The following ROBO2 variants were observed in gnomAD, a reference collection of about 807,000 sequenced individuals.
ROBO2 encodes the protein roundabout guidance receptor 2.
A neutral mutation model predicts 160.8 loss-of-function variants in ROBO2; 53 were observed. The ratio of observed to expected loss-of-function variants is 0.33; its 90% confidence interval spans 0.26 to 0.41. The LOEUF (loss-of-function observed/expected upper bound fraction) is 0.41. Ranked by LOEUF, ROBO2 falls within the 10% of genes least tolerant of loss-of-function variation. The probability of loss-of-function intolerance (pLI) is 1.00; values close to 1 mark genes in which losing one functional copy is unlikely to be tolerated. For synonymous variants in ROBO2, 664 were observed against 611.7 expected (o/e 1.09, Z -1.26); for missense variants, 1,577 against 1,722.4 (o/e 0.92, Z 1.49).
intron 2 of ROBO2, among the ~76,000 whole-genome samples, chr3:76,299,041 C>T (rs192034810): frequency 1.6e-4 from 24 of 152,280 alleles, no homozygotes; most frequent in Admixed American, 9.8e-4. Flanking sequence ...GCTCTTTCAG[C>T]GTGTTAGGCC....
intron 2 of ROBO2, among the ~76,000 whole-genome samples, chr3:77,120,942 TTTATTA>T (rs1294880670): frequency 6.6e-6 from 1 of 151,958 alleles, no homozygotes; most frequent in Non-Finnish European, 1.5e-5. Flanking sequence ...ATGCAGATGT[TTTATTA>T]TTATTATTAT....
chr3:75,962,950 T>C (rs1362945572), intron 2 of ROBO2, among the ~76,000 whole-genome samples: 2 of 151,806 alleles, frequency 1.3e-5, no homozygotes. Context: ...TTAACGATCA[T>C]TCCTTCTAAA....
chr3:76,054,892 T>C (rs752456926), intron 2 of ROBO2, among the ~76,000 whole-genome samples: 2 of 152,080 alleles, frequency 1.3e-5, no homozygotes, highest in African/African-American at 4.8e-5. Context: ...AAGCTGAAGT[T>C]TGGGGAGGTG....
At chr3:76,363,798 T>A (rs1445824949) in intron 2 of ROBO2, among the ~76,000 whole-genome samples, 1 of 149,270 alleles carries the variant, frequency 6.7e-6, no homozygotes, top group Non-Finnish European at 1.5e-5. Flanking sequence ...TGCTTAAGAG[T>A]TTTTTTTTTA....
chr3:77,240,296 G>C (rs2088816348), intron 2 of ROBO2, among the ~76,000 whole-genome samples: 3 of 152,180 alleles, frequency 2.0e-5, no homozygotes, highest in Admixed American at 2.0e-4. Context: ...CAGTGCTGGG[G>C]GACCCGGCGC....
chr3:77,113,612 A>C (rs1009518097), intron 2 of ROBO2, among the ~76,000 whole-genome samples: 1 of 152,206 alleles, frequency 6.6e-6, no homozygotes, highest in Non-Finnish European at 1.5e-5. Context: ...GATGACATGC[A>C]AATGAACTGT....
intron 2 of ROBO2, among the ~76,000 whole-genome samples, chr3:76,758,288 A>T (rs928481624): frequency 6.6e-6 from 1 of 151,724 alleles, no homozygotes; most frequent in Non-Finnish European, 1.5e-5. Flanking sequence ...TTGAACAAAG[A>T]CTATTGGGAA....
At chr3:75,970,868 T>G (rs950137646) in intron 2 of ROBO2, among the ~76,000 whole-genome samples, 47 of 151,280 alleles carry the variant, frequency 3.1e-4, no homozygotes, top group African/African-American at 1.1e-3. Context: ...GAAATATGCT[T>G]TTTGAAACTA....
chr3:76,177,809 G>A (rs1255536882), intron 2 of ROBO2, among the ~76,000 whole-genome samples: 1 of 152,116 alleles, frequency 6.6e-6, no homozygotes, highest in African/African-American at 2.4e-5. Flanking sequence ...ACAGATAGTA[G>A]GGTTCTAAGT....
At chr3:75,985,901 T>C (rs1051010347) in intron 2 of ROBO2, among the ~76,000 whole-genome samples, 1 of 151,682 alleles carries the variant, frequency 6.6e-6, no homozygotes, top group Non-Finnish European at 1.5e-5. Context: ...GGCTGAATAA[T>C]ATTCTTTTAT....
At chr3:77,211,877 A>G (rs1279977739) in intron 2 of ROBO2, among the ~76,000 whole-genome samples, 1 of 152,102 alleles carries the variant, frequency 6.6e-6, no homozygotes, top group Non-Finnish European at 1.5e-5. Flanking sequence ...CAAAGATCAG[A>G]TAGTTGTAGA....
intron 11 of ROBO2, chr3:77,564,604 C>A: frequency 2.5e-6 from 1 of 400,604 alleles, no homozygotes; most frequent in Non-Finnish European, 4.7e-6. Context: ...TATATATATA[C>A]ATTTACGAGG....
intron 2 of ROBO2, among the ~76,000 whole-genome samples, chr3:76,872,582 C>G (rs192116533): frequency 6.6e-6 from 1 of 151,904 alleles, no homozygotes; most frequent in Admixed American, 6.6e-5. Flanking sequence ...GAATTGTAGA[C>G]TTATTTGTTA....
chr3:76,295,956 G>A (rs1709051090), intron 2 of ROBO2, among the ~76,000 whole-genome samples: 1 of 152,102 alleles, frequency 6.6e-6, no homozygotes, highest in Admixed American at 6.6e-5. Flanking sequence ...TAGTCAATAA[G>A]TTATTTATAA....
intron 2 of ROBO2, among the ~76,000 whole-genome samples, chr3:77,396,100 AC>A (rs2075260386): frequency 6.6e-6 from 1 of 151,990 alleles, no homozygotes; most frequent in South Asian, 2.1e-4. Flanking sequence ...AGCCATTCTC[AC>A]TTGCATCCAT....
At chr3:76,622,796 G>C (rs1037961752) in intron 2 of ROBO2, among the ~76,000 whole-genome samples, 129 of 151,930 alleles carry the variant, frequency 8.5e-4, no homozygotes, top group African/African-American at 2.9e-3. Context: ...TTATTACTTG[G>C]CTTACAATGT....
chr3:76,660,164 A>T (rs1575781589), intron 2 of ROBO2, among the ~76,000 whole-genome samples: 1 of 152,288 alleles, frequency 6.6e-6, no homozygotes, highest in South Asian at 2.1e-4. Flanking sequence ...TAATTTTAAA[A>T]TTGGATGTGC....
intron 2 of ROBO2, among the ~76,000 whole-genome samples, chr3:76,359,388 A>G (rs999385625): frequency 3.3e-5 from 5 of 152,214 alleles, no homozygotes; most frequent in Admixed American, 3.3e-4. Context: ...ACAGGAAACT[A>G]TTATGTTGTT....
chr3:76,293,582 T>C (rs966320380), intron 2 of ROBO2, among the ~76,000 whole-genome samples: 1 of 151,734 alleles, frequency 6.6e-6, no homozygotes. Context: ...AGACAGGGAG[T>C]AGAAGGGTAA....
Sources: allele counts gnomAD v4.1 joint callset (sites outside exome capture counted in the v4.1 genomes callset), GRCh38; gene constraint gnomAD v4.1.1; transcripts MANE v1.5; gene names NCBI Gene and HGNC (gene_info 2026-07-23, HGNC 2026-07-21).